DEK: variants seen among roughly 807,000 people sequenced by gnomAD.
DEK encodes DEK proto-oncogene, also known as protein DEK.
DEK carries 28 observed loss-of-function variants against 46.8 expected under a neutral mutation model. The ratio of observed to expected loss-of-function variants is 0.60; its 90% CI spans 0.44 to 0.82. The LOEUF is 0.82. Among genes scored for constraint, DEK ranks in the 40% least tolerant of loss-of-function variants. The probability of loss-of-function intolerance (pLI) is 0.00; values close to 1 mark genes in which losing one functional copy is unlikely to be tolerated. For synonymous variants in DEK, 160 were observed against 144.5 expected, an observed-to-expected ratio of 1.11 and a Z score of -0.77; for missense variants, 416 against 430.6, an observed-to-expected ratio of 0.97 and a Z score of 0.30.
chr6:18,255,920 A>G, intron 5 of DEK, 69 bp from the exon 6 acceptor site: 1 of 1,516,014 alleles, frequency 6.6e-7, no homozygotes, highest in Admixed American at 2.4e-5. Flanking sequence ...CCACAATATA[A>G]AGGGAAAGCC....
chr6:18,245,831 C>A (rs1165035931), intron 7 of DEK, among the ~76,000 whole-genome samples: 1 of 152,258 alleles, frequency 6.6e-6, no homozygotes, highest in Non-Finnish European at 1.5e-5. Flanking sequence ...ATAATCCCCA[C>A]GTTGTGGGAG....
intron 7 of DEK, among the ~76,000 whole-genome samples, chr6:18,247,373 A>T (rs1449579628): frequency 6.6e-6 from 1 of 152,160 alleles, no homozygotes; most frequent in Non-Finnish European, 1.5e-5. Context: ...CCCTCTAATA[A>T]AATATGATAT....
rs1035347736 is a variant in DEK at position 18,225,671 on chromosome 6, T to G, written c.*48A>C. On this transcript the variant is annotated 3_prime_UTR_variant, in exon 11 of 11. Coordinates refer to ENST00000652689, the MANE Select transcript of DEK (RefSeq NM_003472.4). ...CTCTTTGCTGGTATAATGGTATAAATCAGATCTTCAAATCTATGGGAACGA... is the reference window on the plus strand; with the variant it reads ...CTCTTTGCTGGTATAATGGTATAAAGCAGATCTTCAAATCTATGGGAACGA... The G allele has an allele frequency of 1.1e-5, 18 of 1,602,398 alleles. No individual in the cohort carries two copies. The highest frequency in any genetic ancestry group is 1.5e-5 in the Non-Finnish European group (18 of 1,171,788).
At chr6:18,234,074 A>G (rs1790536152) in intron 9 of DEK, among the ~76,000 whole-genome samples, 1 of 151,974 alleles carries the variant, frequency 6.6e-6, no homozygotes, top group African/African-American at 2.4e-5. Flanking sequence ...ATTCTCAGCA[A>G]ACTATCGCAA....
At chr6:18,234,752 C>G (rs954481880) in intron 9 of DEK, among the ~76,000 whole-genome samples, 2 of 152,162 alleles carry the variant, frequency 1.3e-5, no homozygotes, top group African/African-American at 4.8e-5. Flanking sequence ...TCCTTTCCCA[C>G]CAAATTGCTT....
chr6:18,231,526 A>C (rs1342912447), intron 9 of DEK, among the ~76,000 whole-genome samples: 11 of 152,342 alleles, frequency 7.2e-5, no homozygotes, highest in Non-Finnish European at 1.0e-4. Context: ...AAAAATGATA[A>C]AGGGGATATC....
At chr6:18,258,253 CAAA>C in intron 3 of DEK, 48 bp downstream of exon 3, 1 of 1,486,572 alleles carries the variant, frequency 6.7e-7, no homozygotes, top group African/African-American at 1.4e-5. Flanking sequence ...ATCATTTTCA[CAAA>C]TTTAGGCACT....
rs1744298215 is a variant in DEK at position 18,255,728 on chromosome 6, C to T, written c.573+3G>A. 6.3e-7 allele frequency: 1 copy of T among 1,590,758 alleles called. No homozygotes were observed. The highest frequency in any genetic ancestry group is 8.5e-7 in the Non-Finnish European group (1 of 1,174,078). ...TATGAAAAAAATAAAAATTGATCCT[C>T]ACTTTGCCAGAAGGCTTTGGATGCA... is the stretch of plus-strand genomic sequence containing the variant. On this transcript the variant is annotated splice_donor_region_variant and intron_variant, in intron 6 of 10. Transcript: ENST00000652689.
intron 9 of DEK, among the ~76,000 whole-genome samples, chr6:18,234,199 G>C (rs1487402123): frequency 8.2e-6 from 1 of 122,390 alleles, no homozygotes; most frequent in Non-Finnish European, 1.7e-5. Context: ...GGGTGGGGGG[G>C]ACGGGGGAGG....
chr6:18,237,370 T>G lies in DEK; in HGVS notation c.898+11A>C, dbSNP rs780672165. The G allele has an allele frequency of 4.4e-6, 7 of 1,587,762 alleles. No individual in the cohort carries two copies. In the African/African-American group the frequency reaches 8.2e-5, roughly 19 times the overall value. The stretch of plus-strand genomic sequence containing the variant: ...CTTTAAAGTTGCTGATTAATGTTAT[T>G]TCTAACATACCTTTTTTGGAACTGT... On this transcript the variant is annotated intron_variant, in intron 8 of 10. Transcript: ENST00000652689.
chr6:18,241,787 C>T (rs1214820325), intron 7 of DEK, among the ~76,000 whole-genome samples: 3 of 151,974 alleles, frequency 2.0e-5, no homozygotes, highest in Admixed American at 1.3e-4. Flanking sequence ...AATGGAAAAA[C>T]CATTCTGAGC....
At chr6:18,231,312 G>C (rs1790402615) in intron 9 of DEK, among the ~76,000 whole-genome samples, 1 of 152,044 alleles carries the variant, frequency 6.6e-6, no homozygotes, top group Non-Finnish European at 1.5e-5. Context: ...AAAAGAACTA[G>C]AGAAGCAAGA....
In DEK at chr6:18,258,072, A is replaced by G; in HGVS notation, c.248-10T>C. On this transcript the variant is annotated splice_polypyrimidine_tract_variant and intron_variant, in intron 3 of 10. Coordinates refer to ENST00000652689, the MANE Select transcript of DEK (RefSeq NM_003472.4). ...AGTTTCTGCCCCTTTCCTGGGGAAA[A>G]AAAAAAATCACAATTAAATACCTAT... 1 of 1,562,756 alleles carries G rather than the reference A, an allele frequency of 6.4e-7. No homozygotes were observed. Among genetic ancestry groups the G allele is most frequent in the Non-Finnish European group, 8.7e-7 (1 of 1,152,358 alleles).
At chr6:18,248,907 A>G (rs951703603) in intron 7 of DEK, among the ~76,000 whole-genome samples, 1 of 152,182 alleles carries the variant, frequency 6.6e-6, no homozygotes, top group African/African-American at 2.4e-5. Flanking sequence ...AAGGTTGATT[A>G]CCCAATCTAT....
chr6:18,239,988 G>A (rs1048035511), intron 7 of DEK, among the ~76,000 whole-genome samples: 7 of 152,180 alleles, frequency 4.6e-5, no homozygotes, highest in African/African-American at 1.7e-4. Context: ...TGAAAGGGTT[G>A]AAGGTTGAGC....
intron 6 of DEK, 60 bp from the exon 7 acceptor site, chr6:18,249,899 C>G: frequency 2.0e-6 from 3 of 1,494,324 alleles, no homozygotes; most frequent in East Asian, 4.8e-5. Context: ...CAATTCTCTT[C>G]TTGAAAACTT....
At position 18,240,805 on chromosome 6, in the gene DEK, C is replaced by A. The variant is rs549964496; in HGVS notation, c.763-3289G>T. ...ACCCTATCTCTAAAAAACTAATTTT[C>A]TTTTTTTTAAAAGCAGGGCAGATAC... On this transcript the variant is annotated intron_variant, in intron 7 of 10. Transcript: ENST00000652689. Among the ~76,000 whole-genome samples, 97 of 151,936 alleles carry A rather than the reference C, an allele frequency of 6.4e-4. 1 individual carries two copies. Among genetic ancestry groups the A allele is most frequent in the African/African-American group, 2.3e-3 (94 of 41,440 alleles).
intron 2 of DEK, among the ~76,000 whole-genome samples, chr6:18,260,151 T>C (rs1189391381): frequency 2.0e-5 from 3 of 152,236 alleles, no homozygotes; most frequent in Non-Finnish European, 4.4e-5. Context: ...AATGGTGTAG[T>C]AGTTACATGT....
At chr6:18,254,935 G>C (rs1009705799) in intron 6 of DEK, among the ~76,000 whole-genome samples, 2 of 152,092 alleles carry the variant, frequency 1.3e-5, no homozygotes, top group African/African-American at 4.8e-5. Context: ...GGACGAAAAC[G>C]AAGTCCTAGA....
Sources: allele counts gnomAD v4.1 joint callset (sites outside exome capture counted in the v4.1 genomes callset), GRCh38; gene constraint gnomAD v4.1.1; transcripts MANE v1.5; gene names NCBI Gene and HGNC (gene_info 2026-07-23, HGNC 2026-07-21).